Variants in DNAH11 observed in about 807,000 individuals in gnomAD.
The protein encoded by DNAH11 is dynein axonemal heavy chain 11.
Under a neutral mutation model 526.0 loss-of-function variants are expected in DNAH11, and 442 were observed. That is an observed-to-expected ratio of 0.84 (90% CI 0.78 to 0.91). The LOEUF (loss-of-function observed/expected upper bound fraction) is 0.91. Among genes scored for constraint, DNAH11 ranks in the 40% least tolerant of loss-of-function variants. The probability of loss-of-function intolerance (pLI) is 0.00; values close to 1 mark genes in which losing one functional copy is unlikely to be tolerated. For missense variants in DNAH11, 6,989 were observed against 5,448.7 expected, an observed-to-expected ratio of 1.28 and a Z score of -8.90; for synonymous variants, 2,461 against 1,935.9, an observed-to-expected ratio of 1.27 and a Z score of -7.12.
chr7:21,705,317 T>C, intron 38 of DNAH11, 143 bp from the exon 39 acceptor site: 1 of 718,594 alleles, frequency 1.4e-6, no homozygotes, highest in Non-Finnish European at 2.3e-6. Flanking sequence ...TCACTTATGG[T>C]CTATTTTAAC....
chr7:21,570,910 G>C (rs1783861545), intron 7 of DNAH11, among the ~76,000 whole-genome samples: 1 of 150,598 alleles, frequency 6.6e-6, no homozygotes, highest in Admixed American at 6.6e-5. Flanking sequence ...AGTTTAAATT[G>C]ATGACACTGC....
Position 21,615,245 on chromosome 7 carries a change from A to G in DNAH11, c.3984A>G (p.Gly1328=), listed in dbSNP as rs1785715140. The G allele has an allele frequency of 6.2e-7, 1 of 1,612,936 alleles. No homozygotes were observed. Reference sequence around the variant, plus strand: ...GCAAAGAAATAAAATTGCTCAAGGGACTGTGGGATGTCATTATTTATGTTC... The same window carrying G: ...GCAAAGAAATAAAATTGCTCAAGGGGCTGTGGGATGTCATTATTTATGTTC... ...QCRKEIKLLK[G]LWDVIIYVRR... The change falls in exon 21 of 82, where the codon GGA becomes GGG. Residue 1328 remains glycine (G), a synonymous_variant. Transcript: ENST00000409508.
chr7:21,543,955 T>C (rs1782704529), intron 1 of DNAH11, among the ~76,000 whole-genome samples: 1 of 152,180 alleles, frequency 6.6e-6, no homozygotes, highest in Non-Finnish European at 1.5e-5. Flanking sequence ...TGGGTCACTC[T>C]GGAGTCACAT....
chr7:21,666,756 ATTTT>A (rs200980636), intron 30 of DNAH11, among the ~76,000 whole-genome samples: 1 of 146,378 alleles, frequency 6.8e-6, no homozygotes, highest in Non-Finnish European at 1.5e-5. Flanking sequence ...GGACACAAGT[ATTTT>A]TTTTTTTTGG....
In DNAH11 at chr7:21,690,881, G is replaced by C. The variant is rs1783587756; in HGVS notation, c.6041G>C (p.Arg2014Thr). The stretch of plus-strand genomic sequence containing the variant: ...CCGGAAAATCTCAAAGCTCTTTTCA[G>C]GCAAGTGTTATGCTTTGTGGCTTAG... Reference protein sequence around the residue: ...ELPENLKALFRPCAMVAPDIE... With the variant: ...ELPENLKALFTPCAMVAPDIE... Residue 2014 changes from arginine (R) to threonine (T), a missense_variant and splice_region_variant, in exon 35 of 82, where the codon AGA becomes ACA. Transcript: ENST00000409508. 6.2e-7 allele frequency: 1 copy of C among 1,609,712 alleles called. No individual in the cohort carries two copies. Among genetic ancestry groups the C allele is most frequent in the East Asian group, 2.2e-5 (1 of 44,782 alleles).
intron 14 of DNAH11, among the ~76,000 whole-genome samples, chr7:21,594,063 TACACACACACAC>T (rs59727118): frequency 4.9e-4 from 68 of 137,620 alleles, no homozygotes; most frequent in African/African-American, 1.5e-3. Context: ...CATACACACA[TACACACACACAC>T]ACACACACAC....
At chr7:21,862,123 T>TG (rs1491490708) in intron 69 of DNAH11, 100 bp downstream of exon 69, 4 of 585,880 alleles carry the variant, frequency 6.8e-6, no homozygotes, top group South Asian at 5.6e-5. Context: ...TATAATAGAC[T>TG]TTTTTTTTTT....
In DNAH11 at chr7:21,786,563, G is replaced by T. The variant is rs1788201893; in HGVS notation, c.9598-61G>T. On this transcript the variant is annotated intron_variant, in intron 58 of 81. Transcript: ENST00000409508. ...CTAAAGCCTTGCTTGGCAACTTACA[G>T]AGCTTCTCCAGACTTCCGCTAATCC... is the stretch of plus-strand genomic sequence containing the variant. 14 of 1,522,446 alleles carry T rather than the reference G, an allele frequency of 9.2e-6. No individual in the cohort carries two copies. In the South Asian group the frequency reaches 1.9e-4, roughly 21 times the overall value. The allele number at this position is 1,522,446 out of a possible 1,614,324, so 94.3% of individuals were successfully genotyped here. A position where few individuals can be genotyped will look rare whatever the true frequency, so the allele number is the denominator to read the frequency against.
chr7:21,689,573 G>A (rs1783522913), intron 34 of DNAH11, among the ~76,000 whole-genome samples: 1 of 152,228 alleles, frequency 6.6e-6, no homozygotes, highest in Non-Finnish European at 1.5e-5. Context: ...AATGGGAGAA[G>A]AGGCAGTTAT....
rs1336914910 is a variant in DNAH11 at position 21,580,092 on chromosome 7, A to T, written c.1594-1813A>T. Among the ~76,000 whole-genome samples the T allele has an allele frequency of 3.3e-5, 5 of 152,196 alleles. No individual in the cohort carries two copies. The East Asian group carries it at 9.6e-4, about 29-fold the overall frequency. On this transcript the variant is annotated intron_variant, in intron 8 of 81. Transcript: ENST00000409508. ...TATGAATTTTTTGTGGGACTTTCCAAGGGAGAGGTCCCACGTGCAGTTCTA... is the reference window on the plus strand; with the variant it reads ...TATGAATTTTTTGTGGGACTTTCCATGGGAGAGGTCCCACGTGCAGTTCTA...
chr7:21,700,544 C>T (rs1219213987), intron 36 of DNAH11, among the ~76,000 whole-genome samples: 1 of 152,110 alleles, frequency 6.6e-6, no homozygotes, highest in African/African-American at 2.4e-5. Flanking sequence ...TTAGCCACCT[C>T]CCATTGTTGC....
chr7:21,697,799 T>G (rs1489447643), intron 35 of DNAH11, among the ~76,000 whole-genome samples: 1 of 152,210 alleles, frequency 6.6e-6, no homozygotes, highest in Non-Finnish European at 1.5e-5. Context: ...CAGTGACAAC[T>G]TACACCAGAC....
chr7:21,797,312 G>A (rs994516298), intron 61 of DNAH11, among the ~76,000 whole-genome samples: 4 of 148,122 alleles, frequency 2.7e-5, no homozygotes, highest in Non-Finnish European at 4.4e-5. Flanking sequence ...CTCCACCTCC[G>A]AGGTTCAAGC....
intron 14 of DNAH11, among the ~76,000 whole-genome samples, chr7:21,596,163 C>G (rs1784853262): frequency 6.6e-6 from 1 of 152,220 alleles, no homozygotes; most frequent in Non-Finnish European, 1.5e-5. Context: ...AGGACAAAGA[C>G]TTTGTTTCTG....
chr7:21,633,529 A>T (rs1786717750), intron 25 of DNAH11, among the ~76,000 whole-genome samples: 1 of 152,192 alleles, frequency 6.6e-6, no homozygotes, highest in Non-Finnish European at 1.5e-5. Context: ...CATTTTTTAA[A>T]TTTTAAATTG....
intron 37 of DNAH11, 84 bp from the exon 38 acceptor site, chr7:21,704,350 G>C (rs1784177043): frequency 7.6e-7 from 1 of 1,321,036 alleles, no homozygotes. Context: ...CACATATGAG[G>C]AGTAAAAATA....
chr7:21,788,586 A>T (rs1334647497), intron 60 of DNAH11, among the ~76,000 whole-genome samples: 2 of 152,028 alleles, frequency 1.3e-5, no homozygotes, highest in African/African-American at 4.8e-5. Flanking sequence ...CCACCAGCAG[A>T]AAAAAAATTG....
At chr7:21,773,100 ACT>A (rs57405817) in intron 55 of DNAH11, among the ~76,000 whole-genome samples, 34,064 of 151,952 alleles carry the variant, frequency 0.22, 4,264 homozygotes, top group African/African-American at 0.33. Context: ...GGGAGATGTG[ACT>A]CTGCAAATTA....
In DNAH11 at chr7:21,765,605, C is replaced by A; in HGVS notation, c.9102+16C>A. 1 of 1,122,574 alleles carries A rather than the reference C, an allele frequency of 8.9e-7. No individual in the cohort carries two copies. The highest frequency in any genetic ancestry group is 1.3e-6 in the Non-Finnish European group (1 of 786,718). The allele number at this position is 1,122,574 out of a possible 1,614,324, so 69.5% of individuals were successfully genotyped here. A position where few individuals can be genotyped will look rare whatever the true frequency, so the allele number is the denominator to read the frequency against. On this transcript the variant is annotated intron_variant, in intron 55 of 81. Coordinates refer to ENST00000409508, the MANE Select transcript of DNAH11 (RefSeq NM_001277115.2). ...GGGAATTGAGGTATGCCGTGTCAGC[C>A]TGCGTCACACACACACACACACACA...
Sources: allele counts gnomAD v4.1 joint callset (sites outside exome capture counted in the v4.1 genomes callset), GRCh38; gene constraint gnomAD v4.1.1; transcripts MANE v1.5; gene names NCBI Gene and HGNC (gene_info 2026-07-23, HGNC 2026-07-21).